Variants in CR1L observed in about 807,000 individuals in gnomAD.
CR1L encodes complement component receptor 1-like protein.
A neutral mutation model predicts 62.3 loss-of-function variants in CR1L; 59 were observed. The observed-to-expected ratio is 0.95, with a 90% CI of 0.77 to 1.18. The LOEUF (loss-of-function observed/expected upper bound fraction) is 1.18, where lower values mean the gene tolerates loss of function less well. Ranked by LOEUF, CR1L falls within the 50% of genes most tolerant of loss-of-function variation. The probability of loss-of-function intolerance (pLI) is 0.00; values close to 1 mark genes in which losing one functional copy is unlikely to be tolerated. For synonymous variants in CR1L, 279 were observed against 248.7 expected, an observed-to-expected ratio of 1.12 and a Z score of -1.15; for missense variants, 700 against 702.8, an observed-to-expected ratio of 1.00 and a Z score of 0.04.
intron 4 of CR1L, among the ~76,000 whole-genome samples, chr1:207,693,966 A>G (rs991658871): frequency 5.9e-5 from 9 of 152,088 alleles, no homozygotes; most frequent in African/African-American, 2.2e-4. Flanking sequence ...CTCTTCCCTT[A>G]TACTTTATCT....
chr1:207,686,134 CCCTTCCTTCCTTCCTT>C (rs1174390747), intron 4 of CR1L, among the ~76,000 whole-genome samples: 1 of 9,218 alleles, frequency 1.1e-4, no homozygotes, highest in African/African-American at 4.2e-4. Context: ...CTTCCTCCCT[CCCTTCCTTCCTTCCTT>C]CCTTCCTTCC....
intron 1 of CR1L, among the ~76,000 whole-genome samples, chr1:207,645,634 G>T (rs1438692357): frequency 6.6e-6 from 1 of 152,182 alleles, no homozygotes; most frequent in South Asian, 2.1e-4. Flanking sequence ...GCAAGGGGAG[G>T]GCTTACTGGG....
intron 1 of CR1L, chr1:207,657,259 A>G (rs1474070135): frequency 1.7e-5 from 26 of 1,533,458 alleles, no homozygotes; most frequent in Non-Finnish European, 2.3e-5. Flanking sequence ...CACTTATTGG[A>G]GAGAGCACGA....
rs1335246722 is a variant in CR1L, at chr1:207,714,125, G to A, written c.1415-3339G>A. 3.9e-5 allele frequency among the ~76,000 whole-genome samples: 6 copies of A among 152,224 alleles called. No individual in the cohort carries two copies. In the East Asian group the frequency reaches 1.2e-3, roughly 29 times the overall value. On this transcript the variant is annotated intron_variant, in intron 10 of 11. Coordinates refer to ENST00000508064, the MANE Select transcript of CR1L (RefSeq NM_175710.2). ...GAGGAGGGTGGAGAAGAGTTTTATT[G>A]AGTGACAAAACAGCTTCTCAGCAGA...
At chr1:207,645,957 G>A (rs1323625696) in intron 1 of CR1L, among the ~76,000 whole-genome samples, 1 of 152,132 alleles carries the variant, frequency 6.6e-6, no homozygotes, top group African/African-American at 2.4e-5. Flanking sequence ...TGAGTGGAGC[G>A]AGCGCGGACT....
chr1:207,684,603 A>G (rs1373665700), intron 4 of CR1L, among the ~76,000 whole-genome samples: 1 of 152,250 alleles, frequency 6.6e-6, no homozygotes, highest in Non-Finnish European at 1.5e-5. Flanking sequence ...GAATTCCCTA[A>G]GAAACATGAA....
intron 4 of CR1L, among the ~76,000 whole-genome samples, chr1:207,689,219 T>G (rs1324523500): frequency 1.3e-5 from 2 of 152,140 alleles, no homozygotes; most frequent in Non-Finnish European, 2.9e-5. Flanking sequence ...CTGCATGTAT[T>G]GAGATTATCA....
At chr1:207,675,869 A>G (rs2147021) in intron 1 of CR1L, among the ~76,000 whole-genome samples, 27,098 of 152,252 alleles carry the variant, frequency 0.18, 3,026 homozygotes, top group Non-Finnish European at 0.27. Flanking sequence ...TGAAATATCT[A>G]TGAGAAAATA....
chr1:207,665,984 G>A (rs575464436), intron 1 of CR1L, among the ~76,000 whole-genome samples: 19 of 152,142 alleles, frequency 1.2e-4, no homozygotes, highest in African/African-American at 3.4e-4. Context: ...TAGTGAAGCC[G>A]CACTGAGTAG....
intron 1 of CR1L, chr1:207,655,346 C>T: frequency 2.5e-6 from 1 of 402,416 alleles, no homozygotes; most frequent in Non-Finnish European, 4.6e-6. Flanking sequence ...CCTCAGGGCA[C>T]CTTTTACATT....
chr1:207,711,624 T>C (rs1246966297), intron 10 of CR1L: 1 of 152,296 alleles, frequency 6.6e-6, no homozygotes, highest in Non-Finnish European at 1.5e-5. Flanking sequence ...TACCTGTAAT[T>C]GGCTGGGCAT....
rs55778354 is a variant in CR1L at position 207,664,013 on chromosome 1, G to T, written c.98-13376G>T. Reference sequence around the variant, plus strand: ...TCTCTTTACTGGGCAGTTTTATCTGGCAATAGCAACTAAATTTATAGCAAC... The same window carrying T: ...TCTCTTTACTGGGCAGTTTTATCTGTCAATAGCAACTAAATTTATAGCAAC... On this transcript the variant is annotated intron_variant, in intron 1 of 11. Transcript: ENST00000508064. Among the ~76,000 whole-genome samples, 1,070 of 152,226 alleles carry T rather than the reference G, an allele frequency of 7.0e-3. 10 individuals carry two copies. The highest frequency in any genetic ancestry group is 0.024 in the African/African-American group (998 of 41,524).
At chr1:207,705,592 G>A (rs1415172032) in intron 9 of CR1L, among the ~76,000 whole-genome samples, 1 of 152,208 alleles carries the variant, frequency 6.6e-6, no homozygotes, top group Admixed American at 6.5e-5. Context: ...AGAGACCATA[G>A]CACCTAGAAT....
Position 207,702,159 on chromosome 1 carries a change from A to G in CR1L, c.1328+541A>G, listed in dbSNP as rs563238073. On this transcript the variant is annotated intron_variant, in intron 9 of 11. Coordinates refer to ENST00000508064, the MANE Select transcript of CR1L (RefSeq NM_175710.2). ...CGTGTCTCTGTGTAGCATTTTGGTT[A>G]TTCTCACAATATCCCAGAGGTTTTC... 2.6e-5 allele frequency among the ~76,000 whole-genome samples: 4 copies of G among 152,326 alleles called. No individual in the cohort carries two copies. In the South Asian group the frequency reaches 8.3e-4, roughly 32 times the overall value.
chr1:207,699,328 A>G, intron 8 of CR1L, 54 bp downstream of exon 8: 1 of 1,603,928 alleles, frequency 6.2e-7, no homozygotes, highest in Non-Finnish European at 8.5e-7. Context: ...TCTGTTCAGT[A>G]TTTGACCCAT....
intron 7 of CR1L, among the ~76,000 whole-genome samples, chr1:207,698,664 CTTCTT>C (rs142539706): frequency 0.038 from 5,841 of 152,306 alleles, 176 homozygotes; most frequent in South Asian, 0.12. Flanking sequence ...TATGTCCTCT[CTTCTT>C]TCCTTTTTCC....
At chr1:207,715,370 T>A (rs572359426) in intron 10 of CR1L, 1 of 1,596,934 alleles carries the variant, frequency 6.3e-7, no homozygotes, top group Admixed American at 1.7e-5. Context: ...GAAAGCCCTT[T>A]GGAATAGCAG....
intron 4 of CR1L, among the ~76,000 whole-genome samples, chr1:207,686,712 TATATTC>T (rs1363980271): frequency 7.2e-5 from 11 of 152,242 alleles, no homozygotes; most frequent in Non-Finnish European, 4.4e-5. Context: ...TGGTATTTAG[TATATTC>T]ATAAAGTTGT....
rs150916693 is a variant in CR1L at position 207,664,601 on chromosome 1, GTACTAA to G, written c.98-12781_98-12776del. Among the ~76,000 whole-genome samples the G allele has an allele frequency of 6.4e-3, 976 of 152,234 alleles. 1 individual carries two copies. The highest frequency in any genetic ancestry group is 0.01 in the Non-Finnish European group (693 of 68,010). ...ACTCACATGCTCCTAGTGGGTATAT[GTACTAA>G]TACTAAGTTTGTTGATACAGTCTTT... On this transcript the variant is annotated intron_variant, in intron 1 of 11. Coordinates refer to ENST00000508064, the MANE Select transcript of CR1L (RefSeq NM_175710.2).
Sources: gnomAD v4.1 joint callset for allele counts (sites outside exome capture counted in the v4.1 genomes callset) on GRCh38, gnomAD v4.1.1 for gene constraint, MANE v1.5 for transcripts, NCBI Gene and HGNC (gene_info 2026-07-23, HGNC 2026-07-21) for gene names.